Variants in CROCC2 observed in about 807,000 individuals in gnomAD.
The protein encoded by CROCC2 is ciliary rootlet coiled-coil protein 2.
In CROCC2, 163 loss-of-function variants were observed where a neutral mutation model predicts 177.6. That is an observed-to-expected ratio of 0.92 (90% CI 0.81 to 1.05). The LOEUF is 1.05. Among genes scored for constraint, CROCC2 ranks in the 50% least tolerant of loss-of-function variants. The probability of loss-of-function intolerance (pLI) is 0.00; values close to 1 mark genes in which losing one functional copy is unlikely to be tolerated. For synonymous variants in CROCC2, 904 were observed against 787.3 expected (o/e 1.15, Z -2.48); for missense variants, 1,929 against 1,797.8 (o/e 1.07, Z -1.32).
Position 240,924,999 on chromosome 2 carries a change from GC to G in CROCC2, c.489-719del, listed in dbSNP as rs201893586. On this transcript the variant is annotated intron_variant, in intron 4 of 31. Transcript: ENST00000690015. Reference sequence around the variant, plus strand: ...CTGACCCGGCCCCCACACTGACCCGGCCCCCCACACTGACCCAGCCCCCACA... The same window carrying G: ...CTGACCCGGCCCCCACACTGACCCGGCCCCCACACTGACCCAGCCCCCACA... Among the ~76,000 whole-genome samples the G allele has an allele frequency of 3.8e-3, 337 of 88,714 alleles. 27 individuals carry two copies. In the East Asian group the frequency reaches 0.041, roughly 11 times the overall value. 58.2% of individuals were successfully genotyped at this position (88,714 alleles called of 152,430 possible).
In CROCC2 at chr2:240,958,583, C is replaced by T. The variant is rs117096703; in HGVS notation, c.2944-718C>T. ...GAGCCATCCCCCACCAGCCGCCCCC[C>T]GCCAGCCGCCTGCTGCTGCCTGGAG... On this transcript the variant is annotated intron_variant, in intron 19 of 31. Transcript: ENST00000690015. This position sits in a 1 kb window ranked among gnomAD's most constrained non-coding sequence, Gnocchi z 6.7. 5,303 of 985,230 alleles carry T rather than the reference C, an allele frequency of 5.4e-3. 213 individuals are homozygous for T. The East Asian group carries it at 0.15, about 28-fold the overall frequency. 61.0% of individuals were successfully genotyped at this position (985,230 alleles called of 1,614,324 possible).
intron 1 of CROCC2, among the ~76,000 whole-genome samples, chr2:240,911,676 A>G (rs12694989): frequency 0.63 from 90,870 of 143,916 alleles, 28,306 homozygotes; most frequent in Admixed American, 0.7. Flanking sequence ...CCCAGCCCCC[A>G]CCATCCTACT....
chr2:240,982,907 C>G lies in CROCC2; in HGVS notation c.4429C>G (p.Leu1477Val). 1 of 1,550,172 alleles carries G rather than the reference C, an allele frequency of 6.5e-7. No individual in the cohort carries two copies. Among genetic ancestry groups the G allele is most frequent in the East Asian group, 2.4e-5 (1 of 40,910 alleles). ...GCAACTGGAAACGCTGCGCCAGGCT[C>G]TTGAAGAGAGCAGGAGGCACAGCCA... ...QEQLETLRQALEESRRHSQGL... is the reference protein window; with the variant it reads ...QEQLETLRQAVEESRRHSQGL... Residue 1477 changes from leucine (L) to valine (V), a missense_variant, in exon 28 of 32, where the codon CTT (leucine) becomes GTT (valine). Leu to Val is a conservative substitution (Grantham distance 32). Around this residue, in one of 3 missense-constraint regions of CROCC2, gnomAD observed 388 missense variants for 352.7 expected, o/e 1.10. Transcript: ENST00000690015. This position sits in a 1 kb window ranked among gnomAD's most constrained non-coding sequence, Gnocchi z 4.7.
chr2:240,939,268 C>T (rs1373490211), intron 14 of CROCC2, among the ~76,000 whole-genome samples: 1 of 152,066 alleles, frequency 6.6e-6, no homozygotes, highest in Non-Finnish European at 1.5e-5. Context: ...ATGATCACAT[C>T]ATTGTTCTCC....
chr2:240,982,782 G>A lies in CROCC2; in HGVS notation c.4402-98G>A. 1 of 1,073,964 alleles carries A rather than the reference G, an allele frequency of 9.3e-7. No homozygotes were observed. Among genetic ancestry groups the A allele is most frequent in the Non-Finnish European group, 1.3e-6 (1 of 755,520 alleles). The allele number at this position is 1,073,964 out of a possible 1,614,324, so 66.5% of individuals were successfully genotyped here. A position where few individuals can be genotyped will look rare whatever the true frequency, so the allele number is the denominator to read the frequency against. On this transcript the variant is annotated intron_variant, in intron 27 of 31. Transcript: ENST00000690015. The surrounding 1 kb of genome is among the most constrained non-coding windows in gnomAD (Gnocchi z 4.7). ...GTTTTCATCCCAGCGATACGGTCCT[G>A]CCAGACGGTCTAGGCAGATGCCCTG... is the stretch of plus-strand genomic sequence containing the variant.
intron 27 of CROCC2, among the ~76,000 whole-genome samples, chr2:240,975,136 T>C (rs2059751183): frequency 6.6e-6 from 1 of 152,216 alleles, no homozygotes; most frequent in African/African-American, 2.4e-5. Flanking sequence ...AAAGAATAGA[T>C]GTTTGAGATT....
chr2:240,927,396 C>G (rs1189528658), intron 5 of CROCC2, among the ~76,000 whole-genome samples: 1 of 152,214 alleles, frequency 6.6e-6, no homozygotes, highest in Non-Finnish European at 1.5e-5. Context: ...CTCCTCTGAG[C>G]TCCGGCTAGA....
rs2059724666 is a variant in CROCC2 at position 240,972,053 on chromosome 2, A to G, written c.4401+3791A>G. ...CAGTAGCTCACTTCTCTGTTTAATT[A>G]GAGACTCTCAGATCTGATTCCTCAG... is the stretch of plus-strand genomic sequence containing the variant. On this transcript the variant is annotated intron_variant, in intron 27 of 31. Coordinates refer to ENST00000690015, the MANE Select transcript of CROCC2 (RefSeq NM_001351305.2). This position sits in a 1 kb window ranked among gnomAD's most constrained non-coding sequence, Gnocchi z 7.1. Among the ~76,000 whole-genome samples, 1 of 152,090 alleles carries G rather than the reference A, an allele frequency of 6.6e-6. No homozygotes were observed. The highest frequency in any genetic ancestry group is 2.4e-5 in the African/African-American group (1 of 41,414).
intron 14 of CROCC2, among the ~76,000 whole-genome samples, chr2:240,939,201 T>G (rs1185612377): frequency 1.3e-5 from 2 of 152,142 alleles, no homozygotes; most frequent in African/African-American, 4.8e-5. Context: ...CTGACATTTT[T>G]AAAAAATTAT....
intron 1 of CROCC2, among the ~76,000 whole-genome samples, chr2:240,914,203 G>A (rs535649726): frequency 6.6e-6 from 1 of 152,226 alleles, no homozygotes; most frequent in African/African-American, 2.4e-5. Flanking sequence ...CCACCCTTGT[G>A]CGCGAGTGGG....
chr2:240,949,837 C>A lies in CROCC2; in HGVS notation c.2652+135C>A. ...GCGCCTGGCCAGGGCTGGGCAAGGA[C>A]CAGCTCACTCTTTATAGTTCACGTG... On this transcript the variant is annotated intron_variant, in intron 17 of 31. Transcript: ENST00000690015. The surrounding 1 kb of genome is among the most constrained non-coding windows in gnomAD (Gnocchi z 4.5). 1 of 898,464 alleles carries A rather than the reference C, an allele frequency of 1.1e-6. No homozygotes were observed. The highest frequency in any genetic ancestry group is 1.7e-6 in the Non-Finnish European group (1 of 597,608). The allele number at this position is 898,464 out of a possible 1,614,324, so 55.7% of individuals were successfully genotyped here.
At chr2:240,910,167 C>G (rs1452604927) in intron 1 of CROCC2, among the ~76,000 whole-genome samples, 2 of 152,140 alleles carry the variant, frequency 1.3e-5, no homozygotes, top group Non-Finnish European at 2.9e-5. Context: ...CTGGGGTGAG[C>G]AAGTCGGACT....
chr2:240,931,269 A>C (rs972238449), intron 7 of CROCC2, 141 bp downstream of exon 7: 6 of 593,500 alleles, frequency 1.0e-5, no homozygotes, highest in African/African-American at 5.6e-5. Flanking sequence ...GGTGGTGCAC[A>C]CTCTTCAGAG....
At position 240,918,641 on chromosome 2, in the gene CROCC2, C is replaced by T. The variant is rs899402205; in HGVS notation, c.79-85C>T. On this transcript the variant is annotated intron_variant, in intron 1 of 31. Transcript: ENST00000690015. The surrounding 1 kb of genome is among the most constrained non-coding windows in gnomAD (Gnocchi z 6.3). ...CTGCTGCCTTGGGGTGGCCCTGTGGCGGCTCCCATTCAGTGGGATCGTAGA... is the reference window on the plus strand; with the variant it reads ...CTGCTGCCTTGGGGTGGCCCTGTGGTGGCTCCCATTCAGTGGGATCGTAGA... The T allele has an allele frequency of 3.6e-5, 18 of 502,364 alleles. No individual in the cohort carries two copies. Among genetic ancestry groups the T allele is most frequent in the Middle Eastern group, 3.3e-4 (1 of 3,018 alleles). 31.1% of individuals were successfully genotyped at this position (502,364 alleles called of 1,614,324 possible).
Position 240,918,991 on chromosome 2 carries a change from C to G in CROCC2, c.229+115C>G, listed in dbSNP as rs1186981841. The G allele has an allele frequency of 8.0e-4, 459 of 571,470 alleles. 27 individuals are homozygous for G. Among genetic ancestry groups the G allele is most frequent in the African/African-American group, 7.8e-3 (325 of 41,516 alleles). The allele number at this position is 571,470 out of a possible 1,614,324, so 35.4% of individuals were successfully genotyped here. On this transcript the variant is annotated intron_variant, in intron 2 of 31. Transcript: ENST00000690015. This position sits in a 1 kb window ranked among gnomAD's most constrained non-coding sequence, Gnocchi z 6.3. ...GGCGTGGGGGACAGTCCTGGGCTCG[C>G]GGCTGGCCAAGGTGATGGCGTGGGG... is the stretch of plus-strand genomic sequence containing the variant.
chr2:240,974,729 T>C (rs923591939), intron 27 of CROCC2, among the ~76,000 whole-genome samples: 3 of 152,188 alleles, frequency 2.0e-5, no homozygotes, highest in African/African-American at 7.2e-5. Flanking sequence ...AATTTGTTTA[T>C]GCTTGGGCTT....
chr2:240,992,928 G>T, intron 31 of CROCC2, 138 bp from the exon 32 acceptor site: 1 of 620,582 alleles, frequency 1.6e-6, no homozygotes. Flanking sequence ...TGGCCAGGGC[G>T]GGAGGGAGGA....
At chr2:240,915,745 G>A (rs1333257153) in intron 1 of CROCC2, among the ~76,000 whole-genome samples, 2 of 152,146 alleles carry the variant, frequency 1.3e-5, no homozygotes, top group South Asian at 2.1e-4. Context: ...GGCCAGGATC[G>A]GGTTGAGTGG....
chr2:240,963,400 G>A (rs2059655968), intron 20 of CROCC2, 156 bp from the exon 21 acceptor site: 2 of 741,204 alleles, frequency 2.7e-6, no homozygotes, highest in Admixed American at 6.0e-5. Flanking sequence ...CGCAGCACTA[G>A]GGATTGGTGG....
Sources: gnomAD v4.1 joint callset for allele counts (sites outside exome capture counted in the v4.1 genomes callset) on GRCh38, gnomAD v4.1.1 for gene constraint, gnomAD v4.1.1 regional missense constraint, Gnocchi (gnomAD v3.1) non-coding constraint, MANE v1.5 for transcripts, NCBI Gene and HGNC (gene_info 2026-07-23, HGNC 2026-07-21) for gene names.